The following SOX30 variants were observed in gnomAD, a reference collection of about 807,000 sequenced individuals.
SOX30 encodes the protein SRY-box transcription factor 30, also known as transcription factor SOX-30.
SOX30 carries 17 observed loss-of-function variants against 58.6 expected under a neutral mutation model. The ratio of observed to expected loss-of-function variants is 0.29; its 90% CI spans 0.20 to 0.44. The LOEUF is 0.44. Ranked by LOEUF, SOX30 falls within the 20% of genes least tolerant of loss-of-function variation. The pLI, the probability that SOX30 is intolerant of heterozygous loss-of-function variation, is 1.00. For missense variants in SOX30, 951 were observed against 965.8 expected (o/e 0.98, Z 0.20); for synonymous variants, 421 against 400.2 (o/e 1.05, Z -0.62).
intron 4 of SOX30, among the ~76,000 whole-genome samples, chr5:157,634,189 C>A: frequency 6.6e-6 from 1 of 152,200 alleles, no homozygotes; most frequent in Middle Eastern, 3.2e-3. Flanking sequence ...ATACACAGGG[C>A]AAAGTGAACT....
At chr5:157,663,124 C>T (rs913578022) in intron 2 of SOX30, among the ~76,000 whole-genome samples, 1 of 152,144 alleles carries the variant, frequency 6.6e-6, no homozygotes, top group Non-Finnish European at 1.5e-5. Flanking sequence ...CATCCTGATA[C>T]CAAAGCCTGG....
chr5:157,658,161 T>C (rs1759513563), intron 2 of SOX30, among the ~76,000 whole-genome samples: 1 of 152,210 alleles, frequency 6.6e-6, no homozygotes. Flanking sequence ...TGAGATTCTT[T>C]CTATGGAATA....
rs757481677 is a variant in SOX30, at chr5:157,651,823, C to T, written c.256G>A (p.Ala86Thr). Residue 86 changes from alanine to threonine, a missense_variant, in exon 1 of 5, where the codon GCC becomes ACC. Physicochemically the swap from Ala to Thr is moderately conservative, Grantham distance 58 (BLOSUM62 0). Coordinates refer to ENST00000265007, the MANE Select transcript of SOX30 (RefSeq NM_178424.2). ...GAGGCAGCGGCTTCCTCGTTCTGGG[C>T]CTGAGGCTGTGGTAGCAGCAACACC... ...EQVLLLPQPQ[A>T]QNEEAAASSA... 2.1e-5 allele frequency: 33 copies of T among 1,586,644 alleles called. No individual in the cohort carries two copies. The highest frequency in any genetic ancestry group is 1.7e-4 in the Middle Eastern group (1 of 5,890).
intron 1 of SOX30, chr5:157,667,865 G>C (rs1162271447): frequency 6.5e-7 from 1 of 1,535,266 alleles, no homozygotes; most frequent in Non-Finnish European, 8.7e-7. Flanking sequence ...GGAACAAAAA[G>C]AAGGGAACTT....
chr5:157,652,143 C>T lies in SOX30; in HGVS notation c.-65G>A, dbSNP rs1250510745. The T allele has an allele frequency of 2.9e-6, 4 of 1,381,182 alleles. No individual in the cohort carries two copies. The East Asian group carries it at 8.6e-5, about 30-fold the overall frequency. The allele number at this position is 1,381,182 out of a possible 1,614,324, so 85.6% of individuals were successfully genotyped here. A position where few individuals can be genotyped will look rare whatever the true frequency, so the allele number is the denominator to read the frequency against. ...CGTTTGTTGGCGACCTTCCCCCTCC[C>T]CCTTTCGGTTAAGAGCCTTGCAAGG... On this transcript the variant is annotated 5_prime_UTR_variant, in exon 1 of 5. Coordinates refer to ENST00000265007, the MANE Select transcript of SOX30 (RefSeq NM_178424.2).
rs912711993 is a variant in SOX30, at chr5:157,652,406, A to C, written c.-328T>G. The C allele has an allele frequency of 7.5e-6, 8 of 1,069,156 alleles. No homozygotes were observed. The African/African-American group carries it at 9.9e-5, about 13-fold the overall frequency. 66.2% of individuals were successfully genotyped at this position (1,069,156 alleles called of 1,614,324 possible). A position where few individuals can be genotyped will look rare whatever the true frequency, so the allele number is the denominator to read the frequency against. On this transcript the variant is annotated 5_prime_UTR_variant, in exon 1 of 5. Transcript: ENST00000265007. The stretch of plus-strand genomic sequence containing the variant: ...GAGTTCTCTTACAGCCGTTGTCTTT[A>C]GTCATCCCTCCCCCACCCGGAGCTG...
At chr5:157,645,441 A>T (rs1282994565) in intron 3 of SOX30, among the ~76,000 whole-genome samples, 2 of 152,110 alleles carry the variant, frequency 1.3e-5, no homozygotes, top group Non-Finnish European at 2.9e-5. Flanking sequence ...AGGTGGGTGG[A>T]TCATTTGAGC....
At chr5:157,662,313 A>G (rs1485907917) in intron 2 of SOX30, among the ~76,000 whole-genome samples, 1 of 151,788 alleles carries the variant, frequency 6.6e-6, no homozygotes, top group East Asian at 1.9e-4. Context: ...AGTTTCACTA[A>G]TTTTCTCTAT....
chr5:157,627,610 T>A (rs115464371), intron 4 of SOX30, among the ~76,000 whole-genome samples: 1 of 152,216 alleles, frequency 6.6e-6, no homozygotes, highest in African/African-American at 2.4e-5. Flanking sequence ...TTGAAACTGA[T>A]AGTAAACTAT....
upstream of SOX30, among the ~76,000 whole-genome samples, chr5:157,655,339 G>A (rs1179754033): frequency 6.6e-6 from 1 of 152,176 alleles, no homozygotes; most frequent in East Asian, 1.9e-4. Context: ...ATAAGTGGTG[G>A]GGTACCCAGA....
intron 4 of SOX30, among the ~76,000 whole-genome samples, chr5:157,632,504 C>T (rs1758837120): frequency 6.6e-6 from 1 of 152,128 alleles, no homozygotes; most frequent in Non-Finnish European, 1.5e-5. Flanking sequence ...ATCCCAGCTA[C>T]TCGGGAGGCT....
At chr5:157,656,022 CTCTTG>C (rs1459459789), upstream of SOX30, among the ~76,000 whole-genome samples, 1 of 152,070 alleles carries the variant, frequency 6.6e-6, no homozygotes, top group African/African-American at 2.4e-5. Context: ...TGAGGTTTCC[CTCTTG>C]TCTTGTATGT....
At chr5:157,632,292 A>G (rs888767086) in intron 4 of SOX30, among the ~76,000 whole-genome samples, 2 of 152,082 alleles carry the variant, frequency 1.3e-5, no homozygotes, top group South Asian at 2.1e-4. Flanking sequence ...ACAAGGATGC[A>G]CTAATTAGTA....
At chr5:157,650,900 T>A (rs1759312706) in intron 1 of SOX30, among the ~76,000 whole-genome samples, 1 of 152,228 alleles carries the variant, frequency 6.6e-6, no homozygotes, top group African/African-American at 2.4e-5. Context: ...AAAATCGATT[T>A]TTTAAAAAAT....
intron 2 of SOX30, among the ~76,000 whole-genome samples, chr5:157,662,918 G>T (rs899247759): frequency 1.3e-5 from 2 of 152,116 alleles, no homozygotes; most frequent in Non-Finnish European, 2.9e-5. Context: ...GGAAGAAGTT[G>T]AATCCCTGAA....
At chr5:157,659,179 T>C (rs547432318) in intron 2 of SOX30, among the ~76,000 whole-genome samples, 4 of 152,382 alleles carry the variant, frequency 2.6e-5, no homozygotes, top group African/African-American at 9.6e-5. Flanking sequence ...ATTGCTTTAC[T>C]TTCTTAAACG....
chr5:157,643,000 A>G (rs1386354998), intron 3 of SOX30, among the ~76,000 whole-genome samples: 2 of 152,210 alleles, frequency 1.3e-5, no homozygotes, highest in African/African-American at 2.4e-5. Context: ...ACTACAGTAT[A>G]ATGACAAGTT....
chr5:157,654,387 T>C (rs1325637570), upstream of SOX30, among the ~76,000 whole-genome samples: 1 of 152,204 alleles, frequency 6.6e-6, no homozygotes, highest in Non-Finnish European at 1.5e-5. Flanking sequence ...AGAGCAAATA[T>C]TACATTAGGA....
In SOX30 at chr5:157,651,769, T is replaced by C; in HGVS notation, c.310A>G (p.Arg104Gly). 6.4e-7 allele frequency: 1 copy of C among 1,560,582 alleles called. No homozygotes were observed. The highest frequency in any genetic ancestry group is 8.6e-7 in the Non-Finnish European group (1 of 1,156,314). ...SSAQARLLQF[R>G]PDLRLLQPPT... is the part of the protein sequence containing the mutation. ...GGCTGCAGGAGCCGCAGGTCGGGCC[T>C]GAACTGCAACAGCCGCGCCTGCGCG... Residue 104 changes from arginine (R) to glycine (G), a missense_variant, in exon 1 of 5, where the codon AGG (arginine) becomes GGG (glycine). Physicochemically the swap from Arg to Gly is moderately radical, Grantham distance 125 (BLOSUM62 -2). Coordinates refer to ENST00000265007, the MANE Select transcript of SOX30 (RefSeq NM_178424.2).
Sources: allele counts gnomAD v4.1 joint callset (sites outside exome capture counted in the v4.1 genomes callset), GRCh38; gene constraint gnomAD v4.1.1; transcripts MANE v1.5; gene names NCBI Gene and HGNC (gene_info 2026-07-23, HGNC 2026-07-21).